Variants in NYAP2 observed in about 807,000 individuals in gnomAD.
NYAP2 encodes neuronal tyrosine-phosphorylated phosphoinositide-3-kinase adaptor 2.
Under a neutral mutation model 50.4 loss-of-function variants are expected in NYAP2, and 23 were observed. That is an observed-to-expected ratio of 0.46 (90% CI 0.33 to 0.65). The LOEUF is 0.65. NYAP2 is among the 30% of genes least tolerant of loss of function. The pLI is 0.02. For missense variants in NYAP2, 885 were observed against 861.0 expected, an observed-to-expected ratio of 1.03 and a Z score of -0.35; for synonymous variants, 394 against 365.2, an observed-to-expected ratio of 1.08 and a Z score of -0.90.
intron 3 of NYAP2, among the ~76,000 whole-genome samples, chr2:225,431,883 C>A (rs546449291): frequency 1.3e-5 from 2 of 152,172 alleles, no homozygotes; most frequent in African/African-American, 4.8e-5. Flanking sequence ...ACTTACATGA[C>A]GTGTGACAAA....
the NYAP2 span, among the ~76,000 whole-genome samples, chr2:225,665,433 C>A: frequency 1.3e-5 from 2 of 152,118 alleles, no homozygotes; most frequent in Admixed American, 1.3e-4. Context: ...GAAGGTCTCT[C>A]CCCTTCCTGT....
chr2:225,478,703 A>G (rs1369565859), intron 3 of NYAP2, among the ~76,000 whole-genome samples: 1 of 152,236 alleles, frequency 6.6e-6, no homozygotes, highest in Non-Finnish European at 1.5e-5. Context: ...AATTTTCATG[A>G]AAATACAATG....
At chr2:225,677,309 C>A in the NYAP2 span, among the ~76,000 whole-genome samples, 1 of 152,060 alleles carries the variant, frequency 6.6e-6, no homozygotes, top group Non-Finnish European at 1.5e-5. Context: ...AGGAGCTTTT[C>A]GGTGGAGTCT....
the NYAP2 span, among the ~76,000 whole-genome samples, chr2:225,685,191 T>C: frequency 2.6e-5 from 4 of 152,216 alleles, no homozygotes; most frequent in African/African-American, 9.6e-5. Flanking sequence ...TTTCCTTGCC[T>C]ATGAGCTTCC....
intron 4 of NYAP2, among the ~76,000 whole-genome samples, chr2:225,517,041 AG>A (rs1488248831): frequency 2.0e-5 from 3 of 152,066 alleles, no homozygotes; most frequent in African/African-American, 7.3e-5. Flanking sequence ...TTTTCAGAGT[AG>A]AAAAAAATAA....
chr2:225,579,898 A>G (rs1471738808), intron 4 of NYAP2, among the ~76,000 whole-genome samples: 1 of 152,224 alleles, frequency 6.6e-6, no homozygotes. Context: ...GTGAAAATGA[A>G]AATATAATTC....
At chr2:225,439,145 G>A (rs1689431100) in intron 3 of NYAP2, among the ~76,000 whole-genome samples, 2 of 152,280 alleles carry the variant, frequency 1.3e-5, no homozygotes, top group African/African-American at 4.8e-5. Flanking sequence ...CTATGAAGAA[G>A]GCAGACACCC....
intron 3 of NYAP2, among the ~76,000 whole-genome samples, chr2:225,511,623 G>A (rs1050264528): frequency 1.3e-5 from 2 of 152,064 alleles, no homozygotes; most frequent in African/African-American, 2.4e-5. Flanking sequence ...GGGTTGAGTG[G>A]CAAGTTATCA....
At chr2:225,464,115 C>G (rs1277891558) in intron 3 of NYAP2, among the ~76,000 whole-genome samples, 1 of 152,138 alleles carries the variant, frequency 6.6e-6, no homozygotes, top group Admixed American at 6.6e-5. Flanking sequence ...TTCCTAGCTG[C>G]TAGGTGTGTG....
chr2:225,436,527 G>A (rs575697427), intron 3 of NYAP2, among the ~76,000 whole-genome samples: 9 of 151,890 alleles, frequency 5.9e-5, no homozygotes, highest in African/African-American at 2.2e-4. Context: ...TTGGATTAGG[G>A]GCCTACCCTC....
At chr2:225,605,926 G>A (rs544975025) in intron 5 of NYAP2, among the ~76,000 whole-genome samples, 1 of 152,022 alleles carries the variant, frequency 6.6e-6, no homozygotes, top group East Asian at 1.9e-4. Context: ...CCAAAAATAT[G>A]TTAAGTGTTG....
At chr2:225,608,935 CTT>C (rs1378570113) in intron 5 of NYAP2, among the ~76,000 whole-genome samples, 3 of 152,100 alleles carry the variant, frequency 2.0e-5, no homozygotes, top group African/African-American at 7.2e-5. Context: ...ACCAACTTCT[CTT>C]TGTGTCTTCT....
chr2:225,537,385 A>C (rs912041852), intron 4 of NYAP2, among the ~76,000 whole-genome samples: 3 of 152,132 alleles, frequency 2.0e-5, no homozygotes, highest in African/African-American at 7.2e-5. Context: ...GCAATTTATA[A>C]AATAAAGAGA....
chr2:225,581,049 G>A (rs542215470), intron 4 of NYAP2, among the ~76,000 whole-genome samples: 19 of 152,168 alleles, frequency 1.2e-4, no homozygotes, highest in South Asian at 4.1e-4. Context: ...AGCCTCTTCC[G>A]TGCTATTGTA....
chr2:225,487,322 C>T (rs924545128), intron 3 of NYAP2, among the ~76,000 whole-genome samples: 5 of 152,020 alleles, frequency 3.3e-5, no homozygotes, highest in South Asian at 2.1e-4. Context: ...GCCGTAGCCT[C>T]GAGCCTCCTT....
intron 4 of NYAP2, among the ~76,000 whole-genome samples, chr2:225,577,648 T>A (rs1692190967): frequency 6.6e-6 from 1 of 152,124 alleles, no homozygotes; most frequent in African/African-American, 2.4e-5. Flanking sequence ...TAAGACCAGA[T>A]GATTCATGGA....
chr2:225,616,674 C>G (rs546722856), intron 5 of NYAP2, among the ~76,000 whole-genome samples: 1 of 152,098 alleles, frequency 6.6e-6, no homozygotes, highest in South Asian at 2.1e-4. Context: ...AGAATTGAGC[C>G]AAGGTTTCCC....
chr2:225,549,441 C>G (rs1033913352), intron 4 of NYAP2, among the ~76,000 whole-genome samples: 1 of 152,016 alleles, frequency 6.6e-6, no homozygotes, highest in East Asian at 1.9e-4. Flanking sequence ...AAGCAAAGCT[C>G]GTATGATTCT....
chr2:225,484,252 T>C (rs985020815), intron 3 of NYAP2, among the ~76,000 whole-genome samples: 2 of 152,218 alleles, frequency 1.3e-5, no homozygotes, highest in Non-Finnish European at 2.9e-5. Context: ...CCATAAACTG[T>C]AGGACTGTAA....
Sources: gnomAD v4.1 joint callset for allele counts (sites outside exome capture counted in the v4.1 genomes callset) on GRCh38, gnomAD v4.1.1 for gene constraint, MANE v1.5 for transcripts, NCBI Gene and HGNC (gene_info 2026-07-23, HGNC 2026-07-21) for gene names.